The following ABLIM2 variants were observed in gnomAD, a reference collection of about 807,000 sequenced individuals.
ABLIM2 encodes actin binding LIM protein family member 2.
Under a neutral mutation model 97.7 loss-of-function variants are expected in ABLIM2, and 53 were observed. The observed-to-expected ratio is 0.54, with a 90% CI of 0.44 to 0.68. ABLIM2 has a LOEUF of 0.68. Among genes scored for constraint, ABLIM2 ranks in the 30% least tolerant of loss-of-function variants. The pLI is 0.00. For synonymous variants in ABLIM2, 361 were observed against 345.8 expected (o/e 1.04, Z -0.49); for missense variants, 835 against 867.2 (o/e 0.96, Z 0.47).
chr4:8,045,345 G>T (rs1560918402), intron 8 of ABLIM2, 104 bp from the exon 9 acceptor site: 1 of 1,080,334 alleles, frequency 9.3e-7, no homozygotes, highest in Non-Finnish European at 1.4e-6. Context: ...AGCGCACTGC[G>T]GTGTTTCTTT....
At chr4:8,139,940 G>A (rs756627022) in intron 1 of ABLIM2, among the ~76,000 whole-genome samples, 10 of 152,178 alleles carry the variant, frequency 6.6e-5, no homozygotes, top group East Asian at 3.9e-4. Flanking sequence ...GAAAGAGATC[G>A]TGTCCTTTGC....
Position 8,127,066 on chromosome 4 carries a change from C to T in ABLIM2, c.11-20429G>A, listed in dbSNP as rs1404870232. ...GGGTGACAGAGTGAGTCCCTGCCTC[C>T]AGAAAAAAAAAAAAAAAATGCCTGC... On this transcript the variant is annotated intron_variant, in intron 1 of 20. Transcript: ENST00000447017. This position sits in a 1 kb window ranked among gnomAD's most constrained non-coding sequence, Gnocchi z 7.3. 1.5e-5 allele frequency among the ~76,000 whole-genome samples: 2 copies of T among 134,412 alleles called. No individual in the cohort carries two copies. The highest frequency in any genetic ancestry group is 3.1e-5 in the Non-Finnish European group (2 of 63,782). The allele number at this position is 134,412 out of a possible 152,430, so 88.2% of individuals were successfully genotyped here. A position where few individuals can be genotyped will look rare whatever the true frequency, so the allele number is the denominator to read the frequency against.
At position 8,141,126 on chromosome 4, in the gene ABLIM2, G is replaced by A. The variant is rs530135727; in HGVS notation, c.10+17554C>T. ...CGGGAAGGGACTGGGACTGGGAACA[G>A]ACAGCCCTGAGCTCAAATCATAGCC... On this transcript the variant is annotated intron_variant, in intron 1 of 20. Transcript: ENST00000447017. 4.5e-4 allele frequency among the ~76,000 whole-genome samples: 68 copies of A among 152,248 alleles called. No homozygotes were observed. The South Asian group carries it at 0.014, about 31-fold the overall frequency.
At position 8,043,574 on chromosome 4, in the gene ABLIM2, G is replaced by A. The variant is rs1790161519; in HGVS notation, c.900+1590C>T. Among the ~76,000 whole-genome samples, 1 of 152,128 alleles carries A rather than the reference G, an allele frequency of 6.6e-6. No homozygotes were observed. The highest frequency in any genetic ancestry group is 2.1e-4 in the South Asian group (1 of 4,830). ...AATCTGCCTGGTGTCCTTATGGGAA[G>A]AAATCAGGACCCGGATGCACACAGA... On this transcript the variant is annotated intron_variant, in intron 9 of 20. Coordinates refer to ENST00000447017, the MANE Select transcript of ABLIM2 (RefSeq NM_001130083.2). The surrounding 1 kb of genome is among the most constrained non-coding windows in gnomAD (Gnocchi z 4.8).
chr4:8,033,382 G>A lies in ABLIM2; in HGVS notation c.1047+2767C>T, dbSNP rs749192191. Among the ~76,000 whole-genome samples the A allele has an allele frequency of 1.3e-5, 2 of 152,168 alleles. No homozygotes were observed. The highest frequency in any genetic ancestry group is 2.9e-5 in the Non-Finnish European group (2 of 68,024). Reference sequence around the variant, plus strand: ...TCGACGGCCTCTGGGAGGCTGCCACGGGCCCTGTGAAGCCCTGTGCCATGG... The same window carrying A: ...TCGACGGCCTCTGGGAGGCTGCCACAGGCCCTGTGAAGCCCTGTGCCATGG... On this transcript the variant is annotated intron_variant, in intron 10 of 20. Transcript: ENST00000447017. This position sits in a 1 kb window ranked among gnomAD's most constrained non-coding sequence, Gnocchi z 4.5.
In ABLIM2 at chr4:7,999,610, G is replaced by T. The variant is rs1755698436; in HGVS notation, c.1619-6683C>A. Among the ~76,000 whole-genome samples, 1 of 152,238 alleles carries T rather than the reference G, an allele frequency of 6.6e-6. No homozygotes were observed. Among genetic ancestry groups the T allele is most frequent in the Non-Finnish European group, 1.5e-5 (1 of 68,052 alleles). ...TGGTGTGGGTTTGCAGGCATGTGGG[G>T]TCTAATGCATGTCAGATGGAAGCAG... On this transcript the variant is annotated intron_variant, in intron 16 of 20. Transcript: ENST00000447017. This position sits in a 1 kb window ranked among gnomAD's most constrained non-coding sequence, Gnocchi z 4.4.
intron 8 of ABLIM2, among the ~76,000 whole-genome samples, chr4:8,049,299 A>G (rs1487922503): frequency 1.3e-5 from 2 of 152,206 alleles, no homozygotes; most frequent in South Asian, 2.1e-4. Flanking sequence ...AGGCGGGGGC[A>G]TTTGCACTGG....
At chr4:8,012,828 C>T (rs180902536) in intron 14 of ABLIM2, among the ~76,000 whole-genome samples, 43 of 152,344 alleles carry the variant, frequency 2.8e-4, no homozygotes, top group African/African-American at 8.7e-4. Context: ...ATCCATTCCT[C>T]TCTTTGTCCA....
intron 1 of ABLIM2, among the ~76,000 whole-genome samples, chr4:8,146,207 G>T (rs1428625875): frequency 6.6e-6 from 1 of 152,184 alleles, no homozygotes. Flanking sequence ...AGCTGTCAAA[G>T]TATGGTCTAG....
intron 10 of ABLIM2, among the ~76,000 whole-genome samples, chr4:8,031,580 C>T (rs1463095073): frequency 2.0e-5 from 3 of 152,254 alleles, no homozygotes; most frequent in South Asian, 2.1e-4. Flanking sequence ...CTGAGCCGAC[C>T]GCTGGGCTGA....
chr4:8,022,130 A>T lies in ABLIM2; in HGVS notation c.1268-1827T>A, dbSNP rs1001263427. Among the ~76,000 whole-genome samples, 2 of 152,126 alleles carry T rather than the reference A, an allele frequency of 1.3e-5. No individual in the cohort carries two copies. The highest frequency in any genetic ancestry group is 4.8e-5 in the African/African-American group (2 of 41,412). ...CAGCAAAACAGGGCAGGTTTTAAAA[A>T]CTGCACCCACACGAACTCTGAACAG... On this transcript the variant is annotated intron_variant, in intron 12 of 20. Transcript: ENST00000447017. The surrounding 1 kb of genome is among the most constrained non-coding windows in gnomAD (Gnocchi z 7.8).
intron 14 of ABLIM2, among the ~76,000 whole-genome samples, chr4:8,010,186 T>TTTTTCTGGGGGGTTTACCTACTAAG (rs1764013181): frequency 6.6e-6 from 1 of 152,244 alleles, no homozygotes; most frequent in Non-Finnish European, 1.5e-5. Context: ...TCCATTTGCC[T>TTTTTCTGGGGGGTTTACCTACTAAG]TTTTCTGGGG....
At chr4:8,117,341 A>G (rs983649399) in intron 1 of ABLIM2, among the ~76,000 whole-genome samples, 1 of 152,124 alleles carries the variant, frequency 6.6e-6, no homozygotes. Context: ...TTTGCAGCCC[A>G]CTGCCCCTGC....
intron 3 of ABLIM2, among the ~76,000 whole-genome samples, chr4:8,094,283 G>A (rs113923476): frequency 0.024 from 3,673 of 152,162 alleles, 135 homozygotes; most frequent in African/African-American, 0.081. Flanking sequence ...CACCATTCCT[G>A]TCATTTCTGG....
chr4:8,158,441 GCCGGCCGGCGCGCTGGGAAAGGATCC>G (rs1352245919), intron 1 of ABLIM2, among the ~76,000 whole-genome samples: 1 of 152,148 alleles, frequency 6.6e-6, no homozygotes, highest in Non-Finnish European at 1.5e-5. Flanking sequence ...GCGCAGCCAC[GCCGGCCGGCGCGCTGGGAAAGGATCC>G]CCGGCCCGCG....
At position 8,061,896 on chromosome 4, in the gene ABLIM2, C is replaced by T. The variant is rs1452719635; in HGVS notation, c.676-842G>A. 6.6e-6 allele frequency among the ~76,000 whole-genome samples: 1 copy of T among 152,174 alleles called. No homozygotes were observed. Among genetic ancestry groups the T allele is most frequent in the African/African-American group, 2.4e-5 (1 of 41,438 alleles). Reference sequence around the variant, plus strand: ...TGTCATTTTGAGCATCCCGTTTTCCCTGTCCTGTGCCTTCCCTAGGATGAA... The same window carrying T: ...TGTCATTTTGAGCATCCCGTTTTCCTTGTCCTGTGCCTTCCCTAGGATGAA... On this transcript the variant is annotated intron_variant, in intron 6 of 20. Coordinates refer to ENST00000447017, the MANE Select transcript of ABLIM2 (RefSeq NM_001130083.2). The surrounding 1 kb of genome is among the most constrained non-coding windows in gnomAD (Gnocchi z 4.5).
chr4:7,980,668 T>C lies in ABLIM2; in HGVS notation c.1824+2596A>G, dbSNP rs183136682. 1.6e-3 allele frequency among the ~76,000 whole-genome samples: 236 copies of C among 151,764 alleles called. 1 individual carries two copies. The highest frequency in any genetic ancestry group is 5.5e-3 in the African/African-American group (228 of 41,386). On this transcript the variant is annotated intron_variant, in intron 20 of 20. Coordinates refer to ENST00000447017, the MANE Select transcript of ABLIM2 (RefSeq NM_001130083.2). The stretch of plus-strand genomic sequence containing the variant: ...AAGTGGGGGTTGCAGTGAGCCAAGA[T>C]TGTGCCACTGCACTCCAACCTGAGT...
At position 8,061,420 on chromosome 4, in the gene ABLIM2, A is replaced by G. The variant is rs1445173032; in HGVS notation, c.676-366T>C. Among the ~76,000 whole-genome samples the G allele has an allele frequency of 6.6e-6, 1 of 152,100 alleles. No homozygotes were observed. The highest frequency in any genetic ancestry group is 2.4e-5 in the African/African-American group (1 of 41,428). ...GCGGGAGGGACAGGAGGAGGAAGAA[A>G]AGGGGAGAGGGAGGGGAGGGAAAGA... On this transcript the variant is annotated intron_variant, in intron 6 of 20. Coordinates refer to ENST00000447017, the MANE Select transcript of ABLIM2 (RefSeq NM_001130083.2). This position sits in a 1 kb window ranked among gnomAD's most constrained non-coding sequence, Gnocchi z 4.5.
chr4:8,017,550 A>G (rs1052235330), intron 14 of ABLIM2, among the ~76,000 whole-genome samples: 1 of 152,060 alleles, frequency 6.6e-6, no homozygotes, highest in African/African-American at 2.4e-5. Flanking sequence ...TGCTTCCCAA[A>G]GCGCTAGGAT....
Sources: gnomAD v4.1 joint callset for allele counts (sites outside exome capture counted in the v4.1 genomes callset) on GRCh38, gnomAD v4.1.1 for gene constraint, Gnocchi (gnomAD v3.1) non-coding constraint, MANE v1.5 for transcripts, NCBI Gene and HGNC (gene_info 2026-07-23, HGNC 2026-07-21) for gene names.